Variants in CPNE5 observed in about 807,000 individuals in gnomAD.
CPNE5 encodes copine-5.
In CPNE5, 42 loss-of-function variants were observed where a neutral mutation model predicts 81.1. That is an observed-to-expected ratio of 0.52 (90% CI 0.40 to 0.67). The LOEUF (loss-of-function observed/expected upper bound fraction) is 0.67, where lower values mean the gene tolerates loss of function less well. Ranked by LOEUF, CPNE5 falls within the 30% of genes least tolerant of loss-of-function variation. The pLI, the probability that CPNE5 is intolerant of heterozygous loss-of-function variation, is 0.00. For synonymous variants in CPNE5, 313 were observed against 321.5 expected (o/e 0.97, Z 0.28); for missense variants, 612 against 815.5 (o/e 0.75, Z 3.04).
At chr6:36,786,800 A>G (rs1239996260) in intron 8 of CPNE5, among the ~76,000 whole-genome samples, 2 of 152,210 alleles carry the variant, frequency 1.3e-5, no homozygotes, top group Non-Finnish European at 2.9e-5. Flanking sequence ...AATTACGTAC[A>G]TGGACACTCA....
intron 8 of CPNE5, among the ~76,000 whole-genome samples, chr6:36,783,643 A>G (rs1166809165): frequency 6.6e-6 from 1 of 152,160 alleles, no homozygotes; most frequent in Non-Finnish European, 1.5e-5. Context: ...AGCTGGGACC[A>G]CAGGTGTGTG....
At chr6:36,791,699 G>A (rs1050798688) in intron 8 of CPNE5, among the ~76,000 whole-genome samples, 5 of 152,232 alleles carry the variant, frequency 3.3e-5, no homozygotes, top group African/African-American at 9.6e-5. Flanking sequence ...TGCTGCCACA[G>A]TGTTGGTGCC....
chr6:36,790,699 G>A (rs1007842642), intron 8 of CPNE5, among the ~76,000 whole-genome samples: 2 of 152,032 alleles, frequency 1.3e-5, no homozygotes, highest in African/African-American at 2.4e-5. Context: ...TCTGCCTGCC[G>A]GGCCCAACTA....
At chr6:36,755,801 T>C (rs1359953861) in intron 13 of CPNE5, 2 of 172,822 alleles carry the variant, frequency 1.2e-5, no homozygotes, top group Non-Finnish European at 2.5e-5. Context: ...TTGAGTCCCA[T>C]CTCTACCACT....
chr6:36,749,720 G>C (rs185074186), intron 14 of CPNE5, among the ~76,000 whole-genome samples: 3 of 152,214 alleles, frequency 2.0e-5, no homozygotes, highest in Non-Finnish European at 4.4e-5. Context: ...GAAGGGTGGA[G>C]TGCATGAAAC....
intron 3 of CPNE5, among the ~76,000 whole-genome samples, chr6:36,815,530 C>T (rs1372222635): frequency 6.6e-6 from 1 of 152,226 alleles, no homozygotes. Flanking sequence ...AACTGGCCCT[C>T]ACCAGACATT....
At chr6:36,787,765 C>G (rs1252292576) in intron 8 of CPNE5, among the ~76,000 whole-genome samples, 1 of 152,160 alleles carries the variant, frequency 6.6e-6, no homozygotes. Context: ...AGTTATAACT[C>G]CCTTTGCAGG....
chr6:36,790,829 C>T (rs1401407537), intron 8 of CPNE5, among the ~76,000 whole-genome samples: 2 of 152,160 alleles, frequency 1.3e-5, no homozygotes, highest in African/African-American at 4.8e-5. Context: ...AGGCGTGAGC[C>T]ACCGTGCCCG....
chr6:36,796,775 G>A (rs112821097), intron 6 of CPNE5, among the ~76,000 whole-genome samples: 5 of 152,214 alleles, frequency 3.3e-5, no homozygotes, highest in African/African-American at 9.6e-5. Flanking sequence ...TATTTTCACT[G>A]TTTTCTAGGA....
At chr6:36,756,365 C>A in intron 12 of CPNE5, 67 bp from the exon 13 acceptor site, 1 of 1,364,220 alleles carries the variant, frequency 7.3e-7, no homozygotes. Context: ...TTGAGGGCTT[C>A]CAACCACCCA....
chr6:36,767,658 A>G (rs2150427779), intron 10 of CPNE5, among the ~76,000 whole-genome samples: 1 of 152,332 alleles, frequency 6.6e-6, no homozygotes, highest in South Asian at 2.1e-4. Flanking sequence ...TGATGACCAC[A>G]TGCTCAGAGG....
intron 19 of CPNE5, among the ~76,000 whole-genome samples, chr6:36,744,064 C>T (rs1023968021): frequency 1.3e-5 from 2 of 152,364 alleles, no homozygotes; most frequent in Admixed American, 6.5e-5. Flanking sequence ...GGTGCACACC[C>T]AGACCTGACA....
intron 14 of CPNE5, among the ~76,000 whole-genome samples, chr6:36,748,617 C>T (rs1158065121): frequency 6.6e-6 from 1 of 152,052 alleles, no homozygotes; most frequent in African/African-American, 2.4e-5. Context: ...ATTGCTGACT[C>T]AAATTTGGAG....
intron 1 of CPNE5, among the ~76,000 whole-genome samples, chr6:36,831,930 G>A (rs140141571): frequency 6.6e-6 from 1 of 152,206 alleles, no homozygotes; most frequent in East Asian, 1.9e-4. Context: ...TAAGCCAGGA[G>A]TGGCACTGAC....
At chr6:36,824,944 A>G (rs1772374242) in intron 1 of CPNE5, among the ~76,000 whole-genome samples, 1 of 152,214 alleles carries the variant, frequency 6.6e-6, no homozygotes, top group East Asian at 1.9e-4. Flanking sequence ...AGCAGCAGCA[A>G]CAACAACAAA....
intron 8 of CPNE5, among the ~76,000 whole-genome samples, chr6:36,779,838 C>T (rs542535666): frequency 2.0e-5 from 3 of 152,210 alleles, no homozygotes; most frequent in Non-Finnish European, 4.4e-5. Flanking sequence ...CGTGTGGCCT[C>T]TGCAATTTGA....
At chr6:36,834,423 A>G (rs1485147039) in intron 1 of CPNE5, among the ~76,000 whole-genome samples, 3 of 152,054 alleles carry the variant, frequency 2.0e-5, no homozygotes, top group Non-Finnish European at 4.4e-5. Flanking sequence ...TGGAAGGCCG[A>G]GGCAGGCCGA....
intron 3 of CPNE5, among the ~76,000 whole-genome samples, chr6:36,819,188 C>A (rs1162486511): frequency 6.6e-6 from 1 of 152,172 alleles, no homozygotes; most frequent in African/African-American, 2.4e-5. Flanking sequence ...CTGCAACCTC[C>A]ACCTCCTGGG....
intron 14 of CPNE5, among the ~76,000 whole-genome samples, chr6:36,751,297 T>C (rs746917474): frequency 1.3e-5 from 2 of 152,232 alleles, no homozygotes; most frequent in Admixed American, 6.5e-5. Flanking sequence ...TCCATCTTCA[T>C]CCCACCCCAC....
Sources: gnomAD v4.1 joint callset for allele counts (sites outside exome capture counted in the v4.1 genomes callset) on GRCh38, gnomAD v4.1.1 for gene constraint, MANE v1.5 for transcripts, NCBI Gene and HGNC (gene_info 2026-07-23, HGNC 2026-07-21) for gene names.